The following GGT5 variants were observed in gnomAD, a reference collection of about 807,000 sequenced individuals.
The protein encoded by GGT5 is gamma-glutamyltransferase 5, also known as glutathione hydrolase 5 proenzyme.
GGT5 carries 50 observed loss-of-function variants against 58.1 expected under a neutral mutation model. That is an observed-to-expected ratio of 0.86 (90% confidence interval 0.69 to 1.09). The LOEUF (loss-of-function observed/expected upper bound fraction) is 1.09. Ranked by LOEUF, GGT5 falls within the 50% of genes least tolerant of loss-of-function variation. GGT5 has a pLI of 0.00. For synonymous variants in GGT5, 370 were observed against 346.1 expected (o/e 1.07, Z -0.77); for missense variants, 800 against 789.4 (o/e 1.01, Z -0.16).
chr22:24,244,876 T>A lies in GGT5; in HGVS notation c.-151A>T. On this transcript the variant is annotated 5_prime_UTR_variant, in exon 1 of 12. Coordinates refer to ENST00000327365, the MANE Select transcript of GGT5 (RefSeq NM_004121.5). ...GGCTGAAGACAGACACGAAGATGGA[T>A]CGACAGATAGGCCAGATAGCTAGAC... The A allele has an allele frequency of 2.2e-6, 3 of 1,380,464 alleles. No individual in the cohort carries two copies. The highest frequency in any genetic ancestry group is 1.9e-6 in the Non-Finnish European group (2 of 1,048,818). 85.5% of individuals were successfully genotyped at this position (1,380,464 alleles called of 1,614,324 possible).
Position 24,226,124 on chromosome 22 carries a change from A to G in GGT5, c.1181T>C (p.Leu394Pro), listed in dbSNP as rs1210609736. 1 of 1,610,060 alleles carries G rather than the reference A, an allele frequency of 6.2e-7. No individual in the cohort carries two copies. The highest frequency in any genetic ancestry group is 1.1e-5 in the South Asian group (1 of 90,872). The change falls in exon 8 of 12, where the codon CTG (leucine) becomes CCG (proline). Residue 394 changes from leucine to proline, a missense_variant. Transcript: ENST00000327365. Reference protein sequence around the residue: ...HGTGTSHVSVLGEDGSAVAAT... With the variant: ...HGTGTSHVSVPGEDGSAVAAT... The stretch of plus-strand genomic sequence containing the variant: ...AGCCACGGCGCTGCCATCCTCCCCC[A>G]GCACAGACACATGGGACGTGCCTGT...
At chr22:24,240,038 A>G (rs938882107) in intron 1 of GGT5, among the ~76,000 whole-genome samples, 3 of 152,144 alleles carry the variant, frequency 2.0e-5, no homozygotes, top group African/African-American at 7.2e-5. Context: ...GTGAACCAAG[A>G]TTGCTCCACT....
chr22:24,222,969 T>C (rs945652496), intron 11 of GGT5, among the ~76,000 whole-genome samples: 1 of 151,646 alleles, frequency 6.6e-6, no homozygotes, highest in Admixed American at 6.6e-5. Context: ...CCCAGCTACT[T>C]GGGAGGATGA....
chr22:24,233,513 G>C lies in GGT5; in HGVS notation c.385C>G (p.Leu129Val). ...PSLLDQCAQA[L>V]PLGTGAQWIG... ...GGGGCGTCACCTGTGCCCAGTGGCA[G>C]AGCCTGTGCACACTGGTCCAGCAGG... The change falls in exon 3 of 12, where the codon CTG becomes GTG. Residue 129 changes from leucine (L) to valine (V), a missense_variant. Coordinates refer to ENST00000327365, the MANE Select transcript of GGT5 (RefSeq NM_004121.5). 6.2e-7 allele frequency: 1 copy of C among 1,603,214 alleles called. No homozygotes were observed. Among genetic ancestry groups the C allele is most frequent in the Non-Finnish European group, 8.5e-7 (1 of 1,175,038 alleles).
At chr22:24,238,911 T>TAC (rs2048236646) in intron 1 of GGT5, among the ~76,000 whole-genome samples, 1 of 17,934 alleles carries the variant, frequency 5.6e-5, no homozygotes, top group African/African-American at 3.6e-4. Flanking sequence ...ATATATTATA[T>TAC]ATATTATATA....
intron 6 of GGT5, among the ~76,000 whole-genome samples, chr22:24,227,231 T>G (rs950402883): frequency 2.0e-5 from 3 of 152,080 alleles, no homozygotes; most frequent in African/African-American, 7.2e-5. Flanking sequence ...ATTACAGGCG[T>G]AAGCCATCAT....
intron 1 of GGT5, among the ~76,000 whole-genome samples, chr22:24,240,924 A>G (rs542475869): frequency 3.9e-5 from 6 of 152,294 alleles, no homozygotes; most frequent in African/African-American, 1.4e-4. Flanking sequence ...TTGGGAGGCC[A>G]AAGCGGGCAG....
chr22:24,232,695 T>C (rs2047980529), intron 4 of GGT5, 128 bp downstream of exon 4: 2 of 577,328 alleles, frequency 3.5e-6, no homozygotes, highest in East Asian at 6.7e-5. Flanking sequence ...GTACTCTTTG[T>C]CCTGGCCAGC....
At position 24,238,287 on chromosome 22, in the gene GGT5, T is replaced by C. The variant is rs1232305237; in HGVS notation, c.174-4283A>G. ...ACTCACGCCTGTAATCTCAGCACTT[T>C]GGGAGGCCAAGGCAGGCAAATTGCT... On this transcript the variant is annotated intron_variant, in intron 1 of 11. Coordinates refer to ENST00000327365, the MANE Select transcript of GGT5 (RefSeq NM_004121.5). 3.3e-5 allele frequency among the ~76,000 whole-genome samples: 5 copies of C among 150,446 alleles called. No homozygotes were observed. The East Asian group carries it at 7.8e-4, about 24-fold the overall frequency.
At chr22:24,244,454 C>A (rs1332750948) in intron 1 of GGT5, 99 bp downstream of exon 1, 104 of 1,016,302 alleles carry the variant, frequency 1.0e-4, no homozygotes, top group Non-Finnish European at 1.0e-4. Flanking sequence ...ACACACACAC[C>A]CACACATACA....
chr22:24,233,615 GA>G, intron 2 of GGT5, 22 bp from the exon 3 acceptor site: 1 of 1,458,442 alleles, frequency 6.9e-7, no homozygotes, highest in Non-Finnish European at 9.5e-7. Context: ...CAGGGCAGGT[GA>G]GTGGTCATGG....
intron 11 of GGT5, among the ~76,000 whole-genome samples, chr22:24,222,797 G>A (rs2047629264): frequency 6.6e-6 from 1 of 152,138 alleles, no homozygotes; most frequent in Non-Finnish European, 1.5e-5. Flanking sequence ...CAAGGGAGGG[G>A]CCGGGCGCGG....
At position 24,222,938 on chromosome 22, in the gene GGT5, G is replaced by A. The variant is rs527274620; in HGVS notation, c.1614+2058C>T. On this transcript the variant is annotated intron_variant, in intron 11 of 11. Transcript: ENST00000327365. ...TAAAAATACAAAAAATTAGCCGAGC[G>A]TGGTGGTGGGTGCCTGTAGTCCCAG... Among the ~76,000 whole-genome samples, 249 of 152,220 alleles carry A rather than the reference G, an allele frequency of 1.6e-3. 1 individual carries two copies. The highest frequency in any genetic ancestry group is 3.0e-3 in the Non-Finnish European group (207 of 68,008).
chr22:24,230,010 G>C (rs1394571949), intron 6 of GGT5, among the ~76,000 whole-genome samples: 2 of 150,440 alleles, frequency 1.3e-5, no homozygotes, highest in Non-Finnish European at 3.0e-5. Flanking sequence ...AGGCAAGTGG[G>C]TCAGTTAAGG....
In GGT5 at chr22:24,225,228, A is replaced by G. The variant is rs2047714664; in HGVS notation, c.1503+17T>C. ...TGCCCAGAGAGGAGACACTCGAGCC[A>G]GGAGCCCCAGACTCACCTGGGCCAC... is the stretch of plus-strand genomic sequence containing the variant. On this transcript the variant is annotated intron_variant, in intron 10 of 11. Transcript: ENST00000327365. The G allele has an allele frequency of 6.2e-7, 1 of 1,611,280 alleles. No individual in the cohort carries two copies. The highest frequency in any genetic ancestry group is 1.7e-4 in the Middle Eastern group (1 of 6,060).
intron 6 of GGT5, among the ~76,000 whole-genome samples, chr22:24,229,899 T>C (rs1486033126): frequency 6.7e-6 from 1 of 149,532 alleles, no homozygotes; most frequent in Non-Finnish European, 1.5e-5. Flanking sequence ...AACTTTTCCA[T>C]GCAACCGAAC....
chr22:24,239,186 A>T (rs958523950), intron 1 of GGT5, among the ~76,000 whole-genome samples: 1 of 150,360 alleles, frequency 6.7e-6, no homozygotes, highest in African/African-American at 2.4e-5. Flanking sequence ...AAAAATACAA[A>T]AAATTAGCCA....
intron 1 of GGT5, chr22:24,242,667 G>A (rs1472854387): frequency 6.6e-6 from 1 of 152,408 alleles, no homozygotes; most frequent in African/African-American, 2.4e-5. Context: ...GAGCACAGAG[G>A]GGAGAGATGA....
chr22:24,226,670 C>A lies in GGT5; in HGVS notation c.999G>T (p.Arg333Ser), dbSNP rs748201164. Reference sequence around the variant, plus strand: ...GGCTTCGAGGGTCCCCCAGCCTCCACCTCTGCCCCTTGGCAAACTTGAGCG... The same window carrying A: ...GGCTTCGAGGGTCCCCCAGCCTCCAACTCTGCCCCTTGGCAAACTTGAGCG... ...VETLKFAKGQ[R>S]WRLGDPRSHP... The change falls in exon 7 of 12, where the codon AGG becomes AGT. Residue 333 changes from arginine (R) to serine (S), a missense_variant. By Grantham distance (110) the Arg-to-Ser change is moderately radical. Coordinates refer to ENST00000327365, the MANE Select transcript of GGT5 (RefSeq NM_004121.5). The A allele has an allele frequency of 1.2e-6, 2 of 1,614,184 alleles. No homozygotes were observed. The highest frequency in any genetic ancestry group is 2.2e-5 in the South Asian group (2 of 91,088).
Sources: gnomAD v4.1 joint callset for allele counts (sites outside exome capture counted in the v4.1 genomes callset) on GRCh38, gnomAD v4.1.1 for gene constraint, MANE v1.5 for transcripts, NCBI Gene and HGNC (gene_info 2026-07-23, HGNC 2026-07-21) for gene names.